TUBB8: variants seen among roughly 807,000 people sequenced by gnomAD.
TUBB8 encodes the protein tubulin beta 8 class VIII.
In TUBB8, 25 loss-of-function variants were observed where a neutral mutation model predicts 33.7. The ratio of observed to expected loss-of-function variants is 0.74; its 90% confidence interval spans 0.54 to 1.04. TUBB8 has a LOEUF of 1.04. Among genes scored for constraint, TUBB8 ranks in the 50% least tolerant of loss-of-function variants. TUBB8 has a pLI of 0.00. For synonymous variants in TUBB8, 245 were observed against 240.1 expected, an observed-to-expected ratio of 1.02 and a Z score of -0.19; for missense variants, 279 against 608.0, an observed-to-expected ratio of 0.46 and a Z score of 5.69.
chr10:72,019 A>C (rs1834742866), intron 1 of TUBB8, among the ~76,000 whole-genome samples: 1 of 152,166 alleles, frequency 6.6e-6, no homozygotes, highest in African/African-American at 2.4e-5. Context: ...TGAGGTCAGG[A>C]ATTAGAGATA....
intron 1 of TUBB8, among the ~76,000 whole-genome samples, chr10:62,234 G>A (rs573459626): frequency 6.6e-6 from 1 of 152,088 alleles, no homozygotes; most frequent in East Asian, 1.9e-4. Context: ...CTAATTTATT[G>A]CTTTTTACTT....
intron 1 of TUBB8, among the ~76,000 whole-genome samples, chr10:68,363 A>G (rs542971197): frequency 1.3e-5 from 2 of 152,194 alleles, no homozygotes; most frequent in African/African-American, 4.8e-5. Flanking sequence ...CACACAATAC[A>G]GATATGACAC....
intron 1 of TUBB8, among the ~76,000 whole-genome samples, chr10:68,610 A>C (rs141105909): frequency 3.2e-4 from 48 of 152,294 alleles, no homozygotes; most frequent in African/African-American, 1.1e-3. Context: ...AATTTACTTT[A>C]CAGTAATTTC....
At chr10:67,484 G>T (rs1191323580) in intron 1 of TUBB8, among the ~76,000 whole-genome samples, 1 of 152,158 alleles carries the variant, frequency 6.6e-6, no homozygotes, top group Non-Finnish European at 1.5e-5. Context: ...GAGTACAGTG[G>T]CAAGATCTTG....
At chr10:56,570 T>TGCAA (rs1489943043) in intron 1 of TUBB8, among the ~76,000 whole-genome samples, 1 of 152,190 alleles carries the variant, frequency 6.6e-6, no homozygotes, top group Non-Finnish European at 1.5e-5. Context: ...ACGTGGTAAG[T>TGCAA]GCAAGGGCAG....
chr10:61,018 T>C (rs1362148869), intron 1 of TUBB8, among the ~76,000 whole-genome samples: 10 of 141,880 alleles, frequency 7.0e-5, no homozygotes, highest in South Asian at 4.4e-4. Context: ...TAGGTGGGAA[T>C]TGAACAATGA....
At position 47,420 on chromosome 10, in the gene TUBB8, C is replaced by T. The variant is rs782260086; in HGVS notation, c.972G>A (p.Arg324=). ...AAIFRGRMPM[R]EVDEQMFNIQ... ...TGTTGAACATTTGTTCATCCACCTC[C>T]CTCATGGGCATGCGACCCCTGAAAA... The change falls in exon 4 of 4, where the codon AGG becomes AGA. Residue 324 remains arginine, a synonymous_variant. Transcript: ENST00000568584. 16 of 1,612,408 alleles carry T rather than the reference C, an allele frequency of 9.9e-6. No individual in the cohort carries two copies. The highest frequency in any genetic ancestry group is 1.3e-5 in the Non-Finnish European group (15 of 1,179,956).
chr10:48,286 TTAGGAATTAAGA>T, intron 3 of TUBB8, 172 bp from the exon 4 acceptor site: 1 of 799,870 alleles, frequency 1.3e-6, no homozygotes, highest in Non-Finnish European at 2.1e-6. Flanking sequence ...GCTTCCCCTG[TTAGGAATTAAGA>T]CAGGAGTCAA....
upstream of TUBB8, among the ~76,000 whole-genome samples, chr10:51,715 C>G (rs1554739601): frequency 2.7e-5 from 3 of 112,618 alleles, no homozygotes. Context: ...AGTCCTGACA[C>G]TTTCATAAAT....
At chr10:56,265 C>A (rs1302860233) in intron 1 of TUBB8, among the ~76,000 whole-genome samples, 56 of 152,060 alleles carry the variant, frequency 3.7e-4, no homozygotes, top group African/African-American at 1.2e-3. Context: ...TTTTTGAATT[C>A]TTTTCCAGTT....
intron 1 of TUBB8, among the ~76,000 whole-genome samples, chr10:59,832 T>C (rs1554740647): frequency 6.6e-6 from 1 of 152,256 alleles, no homozygotes; most frequent in East Asian, 1.9e-4. Flanking sequence ...GTTCAGGTTT[T>C]GGATTTTTTC....
intron 1 of TUBB8, among the ~76,000 whole-genome samples, chr10:57,650 C>T (rs1173832342): frequency 6.6e-5 from 10 of 152,172 alleles, no homozygotes; most frequent in African/African-American, 2.2e-4. Flanking sequence ...GGCCAGGATG[C>T]AGGGAGCCAT....
upstream of TUBB8, among the ~76,000 whole-genome samples, chr10:53,906 T>A (rs1455009694): frequency 6.6e-6 from 1 of 152,298 alleles, no homozygotes; most frequent in African/African-American, 2.4e-5. Flanking sequence ...AATTTTTAAT[T>A]AATTTTTGTG....
At chr10:73,996 C>A in exon 1 of TUBB8, 1 of 157,148 alleles carries the variant, frequency 6.4e-6, no homozygotes. Flanking sequence ...GGAGCTGCAG[C>A]AGCGTCTCCC....
chr10:50,909 G>A (rs1403515277), upstream of TUBB8, among the ~76,000 whole-genome samples: 3 of 152,134 alleles, frequency 2.0e-5, no homozygotes, highest in African/African-American at 7.2e-5. Context: ...TCCTTGGGAT[G>A]GTCCAGGGAA....
chr10:48,520 A>G (rs782657566), intron 3 of TUBB8, 95 bp downstream of exon 3: 864 of 1,227,968 alleles, frequency 7.0e-4, no homozygotes, highest in Non-Finnish European at 6.6e-4. Context: ...CAGGGGCCCT[A>G]GCTCCACAGT....
At chr10:63,141 T>C (rs1274779671) in intron 1 of TUBB8, among the ~76,000 whole-genome samples, 1 of 152,100 alleles carries the variant, frequency 6.6e-6, no homozygotes, top group African/African-American at 2.4e-5. Context: ...TGGCACAATC[T>C]TGGCTCACTG....
chr10:75,781 G>A (rs1333399126), upstream of TUBB8, among the ~76,000 whole-genome samples: 2 of 152,026 alleles, frequency 1.3e-5, no homozygotes, highest in Non-Finnish European at 2.9e-5. Context: ...AGTGCAGTGA[G>A]CATAATGTGC....
At position 47,311 on chromosome 10, in the gene TUBB8, G is replaced by A. The variant is rs1322664943; in HGVS notation, c.1081C>T (p.Leu361=). 2 of 1,613,588 alleles carry A rather than the reference G, an allele frequency of 1.2e-6. No homozygotes were observed. The highest frequency in any genetic ancestry group is 2.2e-5 in the East Asian group (1 of 44,898). Residue 361 remains leucine (L), a synonymous_variant, in exon 4 of 4, where the codon CTA becomes TTA. Transcript: ENST00000568584. ...TAVCDIPPRG[L]KMSATFIGNN... is the part of the protein sequence containing the mutation. Reference sequence around the variant, plus strand: ...CCAATGAAGGTGGCTGACATTTTTAGCCCCCGGGGTGGGATGTCACAGACG... The same window carrying A: ...CCAATGAAGGTGGCTGACATTTTTAACCCCCGGGGTGGGATGTCACAGACG...
Sources: allele counts gnomAD v4.1 joint callset (sites outside exome capture counted in the v4.1 genomes callset), GRCh38; gene constraint gnomAD v4.1.1; transcripts MANE v1.5; gene names NCBI Gene and HGNC (gene_info 2026-07-23, HGNC 2026-07-21).